The following CNTNAP2 variants were observed in gnomAD, a reference collection of about 807,000 sequenced individuals.
The protein encoded by CNTNAP2 is contactin-associated protein-like 2.
Under a neutral mutation model 155.2 loss-of-function variants are expected in CNTNAP2, and 98 were observed. The ratio of observed to expected loss-of-function variants is 0.63; its 90% CI spans 0.54 to 0.75. The LOEUF (loss-of-function observed/expected upper bound fraction) is 0.75, where lower values mean the gene tolerates loss of function less well. Among genes scored for constraint, CNTNAP2 ranks in the 30% least tolerant of loss-of-function variants. The pLI is 0.00. For missense variants in CNTNAP2, 1,727 were observed against 1,688.1 expected, an observed-to-expected ratio of 1.02 and a Z score of -0.40; for synonymous variants, 651 against 631.2, an observed-to-expected ratio of 1.03 and a Z score of -0.47.
intron 1 of CNTNAP2, among the ~76,000 whole-genome samples, chr7:146,715,984 C>A (rs1418744474): frequency 6.6e-6 from 1 of 151,226 alleles, no homozygotes; most frequent in Non-Finnish European, 1.5e-5. Flanking sequence ...TTACCTATCC[C>A]AACTTGAGAG....
At chr7:147,225,614 A>G (rs1803503221) in intron 8 of CNTNAP2, among the ~76,000 whole-genome samples, 1 of 152,124 alleles carries the variant, frequency 6.6e-6, no homozygotes, top group East Asian at 1.9e-4. Flanking sequence ...CTTTAAATTT[A>G]TATTGAGCTT....
At position 146,560,748 on chromosome 7, in the gene CNTNAP2, A is replaced by G. The variant is rs143802518; in HGVS notation, c.98-213523A>G. On this transcript the variant is annotated intron_variant, in intron 1 of 23. Coordinates refer to ENST00000361727, the MANE Select transcript of CNTNAP2 (RefSeq NM_014141.6). ...CCTGACCTTCCCTTTGTCTTTTTCT[A>G]ACCAAGAAAATGTCAGCCACTTCCA... Among the ~76,000 whole-genome samples the G allele has an allele frequency of 4.6e-3, 697 of 152,216 alleles. 5 individuals are homozygous for G. The highest frequency in any genetic ancestry group is 0.016 in the African/African-American group (651 of 41,536).
intron 13 of CNTNAP2, among the ~76,000 whole-genome samples, chr7:147,650,191 C>T (rs2116939645): frequency 6.6e-6 from 1 of 152,102 alleles, no homozygotes; most frequent in East Asian, 1.9e-4. Flanking sequence ...TTTGAAAATA[C>T]CTCCCCTAAA....
At chr7:147,655,504 T>C (rs1212727785) in intron 13 of CNTNAP2, among the ~76,000 whole-genome samples, 1 of 152,248 alleles carries the variant, frequency 6.6e-6, no homozygotes, top group Non-Finnish European at 1.5e-5. Context: ...TTAGCAGGCA[T>C]GAAAAAACAT....
chr7:146,500,118 C>A (rs1797279229), intron 1 of CNTNAP2, among the ~76,000 whole-genome samples: 1 of 138,116 alleles, frequency 7.2e-6, no homozygotes, highest in South Asian at 2.1e-4. Flanking sequence ...CTTAGAATTC[C>A]TAAATATCAG....
chr7:148,003,027 G>A (rs570302261), intron 15 of CNTNAP2, among the ~76,000 whole-genome samples: 1 of 152,120 alleles, frequency 6.6e-6, no homozygotes, highest in Non-Finnish European at 1.5e-5. Context: ...GCAGTCAGTG[G>A]GCCTACAGAG....
intron 1 of CNTNAP2, among the ~76,000 whole-genome samples, chr7:146,475,013 GCACACACACACA>G (rs60787049): frequency 3.5e-5 from 5 of 144,382 alleles, no homozygotes; most frequent in South Asian, 4.4e-4. Flanking sequence ...GCGCGCGCGC[GCACACACACACA>G]CACACACACA....
chr7:148,228,381 G>C (rs770738105), intron 19 of CNTNAP2, among the ~76,000 whole-genome samples: 1 of 152,146 alleles, frequency 6.6e-6, no homozygotes, highest in Admixed American at 6.5e-5. Flanking sequence ...ATATACTGTT[G>C]AGGCAAAGTG....
chr7:146,693,595 A>C (rs1383008320), intron 1 of CNTNAP2, among the ~76,000 whole-genome samples: 2 of 152,172 alleles, frequency 1.3e-5, no homozygotes, highest in African/African-American at 2.4e-5. Context: ...TACCTTGACA[A>C]GTAATCTCCC....
intron 1 of CNTNAP2, among the ~76,000 whole-genome samples, chr7:146,624,496 A>T (rs1799385924): frequency 6.6e-6 from 1 of 152,040 alleles, no homozygotes; most frequent in South Asian, 2.1e-4. Flanking sequence ...ATTTCAACAA[A>T]GCAGAAAGAT....
chr7:146,810,842 T>C (rs1585101301), intron 2 of CNTNAP2, among the ~76,000 whole-genome samples: 2 of 152,204 alleles, frequency 1.3e-5, no homozygotes, highest in African/African-American at 4.8e-5. Flanking sequence ...ATTTTTATGA[T>C]AAAAGAACTT....
chr7:146,645,503 G>A (rs944480873), intron 1 of CNTNAP2, among the ~76,000 whole-genome samples: 3 of 152,148 alleles, frequency 2.0e-5, no homozygotes, highest in African/African-American at 7.2e-5. Flanking sequence ...TACGAAAAAT[G>A]AGATCAGGGA....
At chr7:146,670,924 C>T (rs1800292397) in intron 1 of CNTNAP2, among the ~76,000 whole-genome samples, 2 of 152,174 alleles carry the variant, frequency 1.3e-5, no homozygotes, top group African/African-American at 4.8e-5. Context: ...AAGGCAACCC[C>T]ATTCCCTTAA....
At chr7:148,071,037 A>G (rs1413354812) in intron 15 of CNTNAP2, among the ~76,000 whole-genome samples, 2 of 152,214 alleles carry the variant, frequency 1.3e-5, no homozygotes, top group African/African-American at 4.8e-5. Flanking sequence ...TTCTACTTCA[A>G]AAATAAAGTA....
At chr7:147,021,829 C>T (rs1320602295) in intron 3 of CNTNAP2, among the ~76,000 whole-genome samples, 1 of 152,046 alleles carries the variant, frequency 6.6e-6, no homozygotes, top group Non-Finnish European at 1.5e-5. Context: ...ATAACAATTT[C>T]TTATTTGCAT....
At chr7:146,785,786 C>G (rs952070593) in intron 2 of CNTNAP2, among the ~76,000 whole-genome samples, 10 of 152,246 alleles carry the variant, frequency 6.6e-5, no homozygotes, top group African/African-American at 2.2e-4. Context: ...TTCAACACTT[C>G]CAATATTGTA....
chr7:147,466,559 T>C (rs1187488945), intron 10 of CNTNAP2, among the ~76,000 whole-genome samples: 1 of 152,158 alleles, frequency 6.6e-6, no homozygotes, highest in Admixed American at 6.5e-5. Context: ...AATCTTTTGC[T>C]TCTGAGACTG....
chr7:146,288,793 A>ATTTTTTTTT (rs757136036), intron 1 of CNTNAP2, among the ~76,000 whole-genome samples: 5 of 100,040 alleles, frequency 5.0e-5, no homozygotes, highest in Non-Finnish European at 9.2e-5. Flanking sequence ...AAAATTAGTA[A>ATTTTTTTTT]TTTTTTTTTT....
intron 10 of CNTNAP2, among the ~76,000 whole-genome samples, chr7:147,435,285 C>T (rs1797531896): frequency 6.6e-6 from 1 of 152,058 alleles, no homozygotes; most frequent in Non-Finnish European, 1.5e-5. Flanking sequence ...AATAACTGCA[C>T]GAGAGCCATC....
Sources: allele counts gnomAD v4.1 joint callset (sites outside exome capture counted in the v4.1 genomes callset), GRCh38; gene constraint gnomAD v4.1.1; transcripts MANE v1.5; gene names NCBI Gene and HGNC (gene_info 2026-07-23, HGNC 2026-07-21).